PXDNL: variants seen among roughly 807,000 people sequenced by gnomAD.
PXDNL encodes probable oxidoreductase PXDNL.
PXDNL carries 145 observed loss-of-function variants against 150.8 expected under a neutral mutation model. That is an observed-to-expected ratio of 0.96 (90% CI 0.84 to 1.10). The LOEUF (loss-of-function observed/expected upper bound fraction) is 1.10. Among genes scored for constraint, PXDNL ranks in the 50% least tolerant of loss-of-function variants. The pLI is 0.00. For missense variants in PXDNL, 2,087 were observed against 1,873.9 expected (o/e 1.11, Z -2.10); for synonymous variants, 757 against 725.7 (o/e 1.04, Z -0.69).
At chr8:51,535,182 C>T (rs1239381679) in intron 4 of PXDNL, among the ~76,000 whole-genome samples, 1 of 138,002 alleles carries the variant, frequency 7.2e-6, no homozygotes, top group African/African-American at 3.2e-5. Context: ...AAGTGAGGAG[C>T]CTCTCTGCCC....
chr8:51,328,435 A>G (rs1001859049), intron 21 of PXDNL, among the ~76,000 whole-genome samples: 1 of 152,222 alleles, frequency 6.6e-6, no homozygotes, highest in Admixed American at 6.5e-5. Flanking sequence ...GGGGAAGGGC[A>G]CCTGCTTTTC....
intron 2 of PXDNL, among the ~76,000 whole-genome samples, chr8:51,604,029 T>C (rs1813785593): frequency 6.6e-6 from 1 of 152,190 alleles, no homozygotes; most frequent in South Asian, 2.1e-4. Context: ...CAACATATTA[T>C]AATTGCTTTA....
intron 1 of PXDNL, among the ~76,000 whole-genome samples, chr8:51,764,008 T>C (rs1470417957): frequency 6.6e-6 from 1 of 152,224 alleles, no homozygotes; most frequent in Non-Finnish European, 1.5e-5. Flanking sequence ...ATATATCCAC[T>C]CAGATTTTCT....
chr8:51,608,021 GAAAGAA>G lies in PXDNL; in HGVS notation c.237-15329_237-15324del, dbSNP rs1344660512. 3.7e-5 allele frequency among the ~76,000 whole-genome samples: 4 copies of G among 107,544 alleles called. 1 individual carries two copies. Among genetic ancestry groups the G allele is most frequent in the African/African-American group, 1.8e-4 (4 of 22,436 alleles). 70.6% of individuals were successfully genotyped at this position (107,544 alleles called of 152,430 possible). A position where few individuals can be genotyped will look rare whatever the true frequency, so the allele number is the denominator to read the frequency against. On this transcript the variant is annotated intron_variant, in intron 2 of 22. Coordinates refer to ENST00000356297, the MANE Select transcript of PXDNL (RefSeq NM_144651.5). ...AGGAAGGAAGAAAGAAAGAAAGAAA[GAAAGAA>G]AGAAAGAAAGAAAGAAAGAAAGAAA... is the stretch of plus-strand genomic sequence containing the variant.
intron 4 of PXDNL, among the ~76,000 whole-genome samples, chr8:51,510,446 C>A (rs898063093): frequency 6.6e-6 from 1 of 152,108 alleles, no homozygotes; most frequent in African/African-American, 2.4e-5. Flanking sequence ...TTTGTGGTTT[C>A]CTCCAACACA....
chr8:51,691,993 A>C (rs1214946485), intron 1 of PXDNL, among the ~76,000 whole-genome samples: 1 of 152,192 alleles, frequency 6.6e-6, no homozygotes, highest in Non-Finnish European at 1.5e-5. Flanking sequence ...GAACCAATAC[A>C]ACCATAAGCA....
intron 17 of PXDNL, among the ~76,000 whole-genome samples, chr8:51,392,895 C>G (rs1460224937): frequency 6.6e-6 from 1 of 152,078 alleles, no homozygotes; most frequent in East Asian, 1.9e-4. Flanking sequence ...AAATTAATAT[C>G]AAAATTCCTC....
chr8:51,780,528 T>C (rs941477535), intron 1 of PXDNL, among the ~76,000 whole-genome samples: 1 of 86,420 alleles, frequency 1.2e-5, no homozygotes, highest in Non-Finnish European at 3.7e-5. Flanking sequence ...TCAGTCAGTT[T>C]GGGCTGCTGT....
At chr8:51,658,116 G>A (rs1160432751) in intron 1 of PXDNL, among the ~76,000 whole-genome samples, 1 of 152,084 alleles carries the variant, frequency 6.6e-6, no homozygotes, top group African/African-American at 2.4e-5. Context: ...GGCTGAGGCA[G>A]GAGGACCCTT....
At chr8:51,573,235 C>A (rs1188303948) in intron 3 of PXDNL, among the ~76,000 whole-genome samples, 2 of 151,950 alleles carry the variant, frequency 1.3e-5, no homozygotes, top group Non-Finnish European at 1.5e-5. Flanking sequence ...TATATTGAGG[C>A]ACCCAACACC....
chr8:51,369,383 G>C (rs950676996), intron 19 of PXDNL, among the ~76,000 whole-genome samples: 1 of 152,202 alleles, frequency 6.6e-6, no homozygotes, highest in South Asian at 2.1e-4. Flanking sequence ...TGTTAATTGG[G>C]AAGTGTAAGA....
intron 4 of PXDNL, among the ~76,000 whole-genome samples, chr8:51,501,773 T>G (rs1431279453): frequency 6.6e-6 from 1 of 152,216 alleles, no homozygotes; most frequent in East Asian, 1.9e-4. Flanking sequence ...GTGTCATTGG[T>G]CTAGCACATT....
At chr8:51,706,702 T>C (rs1171884433) in intron 1 of PXDNL, among the ~76,000 whole-genome samples, 1 of 152,236 alleles carries the variant, frequency 6.6e-6, no homozygotes, top group East Asian at 1.9e-4. Flanking sequence ...ACATCTTACC[T>C]ATTTGAGTTT....
intron 2 of PXDNL, among the ~76,000 whole-genome samples, chr8:51,632,015 T>C (rs188889804): frequency 3.3e-5 from 5 of 152,282 alleles, no homozygotes; most frequent in Admixed American, 3.3e-4. Context: ...TTATTTTTAA[T>C]ATAAATAGAT....
intron 1 of PXDNL, among the ~76,000 whole-genome samples, chr8:51,715,731 A>G (rs1238630782): frequency 1.3e-5 from 2 of 152,136 alleles, no homozygotes; most frequent in African/African-American, 4.8e-5. Context: ...TTGTCAAGTT[A>G]ATGGTGCGGA....
At chr8:51,595,254 A>G (rs2130663265) in intron 2 of PXDNL, among the ~76,000 whole-genome samples, 1 of 152,304 alleles carries the variant, frequency 6.6e-6, no homozygotes, top group East Asian at 1.9e-4. Context: ...ATACACTTGC[A>G]TATTTACTAG....
At chr8:51,622,818 C>T (rs1342045387) in intron 2 of PXDNL, among the ~76,000 whole-genome samples, 2 of 152,216 alleles carry the variant, frequency 1.3e-5, no homozygotes, top group African/African-American at 4.8e-5. Context: ...GGCACCTACC[C>T]TGGGCCCACT....
At chr8:51,499,650 TG>T in intron 5 of PXDNL, 48 bp downstream of exon 5, 2 of 1,432,288 alleles carry the variant, frequency 1.4e-6, no homozygotes, top group Non-Finnish European at 2.0e-6. Context: ...GTTGTATAAA[TG>T]GAAAATGTAA....
intron 1 of PXDNL, among the ~76,000 whole-genome samples, chr8:51,730,280 G>A (rs563003542): frequency 2.0e-5 from 3 of 152,258 alleles, no homozygotes; most frequent in African/African-American, 7.2e-5. Context: ...AAATAATAAA[G>A]TCTGCTTTAA....
Sources: allele counts gnomAD v4.1 joint callset (sites outside exome capture counted in the v4.1 genomes callset), GRCh38; gene constraint gnomAD v4.1.1; transcripts MANE v1.5; gene names NCBI Gene and HGNC (gene_info 2026-07-23, HGNC 2026-07-21).